Variants in NUMB observed in about 807,000 individuals in gnomAD.
The protein encoded by NUMB is protein numb homolog.
In NUMB, 29 loss-of-function variants were observed where a neutral mutation model predicts 59.7. That is an observed-to-expected ratio of 0.49 (90% CI 0.36 to 0.66). NUMB has a LOEUF of 0.66. Among genes scored for constraint, NUMB ranks in the 30% least tolerant of loss-of-function variants. NUMB has a pLI of 0.00. For missense variants in NUMB, 723 were observed against 822.0 expected, an observed-to-expected ratio of 0.88 and a Z score of 1.47; for synonymous variants, 288 against 288.2, an observed-to-expected ratio of 1.00 and a Z score of 0.01.
intron 8 of NUMB, among the ~76,000 whole-genome samples, chr14:73,288,287 T>C (rs1889146131): frequency 6.6e-6 from 1 of 152,062 alleles, no homozygotes; most frequent in Non-Finnish European, 1.5e-5. Flanking sequence ...GTGCGATGGC[T>C]CACACCTGTA....
At chr14:73,362,797 A>G (rs1454741495) in intron 3 of NUMB, among the ~76,000 whole-genome samples, 1 of 152,158 alleles carries the variant, frequency 6.6e-6, no homozygotes, top group African/African-American at 2.4e-5. Context: ...TCAATGACAT[A>G]GCATATTGGT....
intron 1 of NUMB, among the ~76,000 whole-genome samples, chr14:73,445,541 T>C (rs1883434363): frequency 6.6e-6 from 1 of 152,132 alleles, no homozygotes; most frequent in African/African-American, 2.4e-5. Context: ...CAATTTAATA[T>C]ACAAGACTCT....
chr14:73,442,651 CA>C (rs917540279), intron 1 of NUMB, among the ~76,000 whole-genome samples: 2 of 151,718 alleles, frequency 1.3e-5, no homozygotes, highest in African/African-American at 2.4e-5. Context: ...AGAAGTCAGA[CA>C]AAAAAATATA....
chr14:73,355,734 T>C lies in NUMB; in HGVS notation c.18A>G (p.Gln6=). Residue 6 remains glutamine, a synonymous_variant, in exon 4 of 13, where the codon CAA becomes CAG. Transcript: ENST00000555238. MNKLR[Q]SFRRKKDVYV... is the part of the protein sequence containing the mutation. ...AAACATCCTTCTTTCTCCTAAAACT[T>C]TGCCGTAATTTGTTCATTTTAATTT... The C allele has an allele frequency of 6.2e-7, 1 of 1,612,494 alleles. No homozygotes were observed. Among genetic ancestry groups the C allele is most frequent in the Non-Finnish European group, 8.5e-7 (1 of 1,178,942 alleles).
chr14:73,406,681 C>T (rs191556930), intron 2 of NUMB, among the ~76,000 whole-genome samples: 39 of 152,296 alleles, frequency 2.6e-4, no homozygotes, highest in African/African-American at 7.7e-4. Context: ...CTGTCTTCCA[C>T]GATGGTTGAC....
chr14:73,436,506 G>C (rs1304394585), intron 1 of NUMB, among the ~76,000 whole-genome samples: 1 of 151,968 alleles, frequency 6.6e-6, no homozygotes, highest in African/African-American at 2.4e-5. Context: ...TTTTAGTAAA[G>C]ACACGGTTTC....
At chr14:73,445,675 A>G (rs1319958268) in intron 1 of NUMB, among the ~76,000 whole-genome samples, 1 of 152,228 alleles carries the variant, frequency 6.6e-6, no homozygotes, top group East Asian at 1.9e-4. Flanking sequence ...TGAACTAAAC[A>G]GTATGTTAAA....
intron 1 of NUMB, among the ~76,000 whole-genome samples, chr14:73,413,083 A>T: frequency 6.7e-6 from 1 of 150,238 alleles, no homozygotes; most frequent in Admixed American, 6.7e-5. Context: ...TATTTTTATT[A>T]TTTATTATTA....
At chr14:73,331,989 G>T (rs1211776304) in intron 4 of NUMB, among the ~76,000 whole-genome samples, 2 of 152,160 alleles carry the variant, frequency 1.3e-5, no homozygotes, top group Admixed American at 1.3e-4. Context: ...TTAATATGGG[G>T]ATTCTTATAC....
Position 73,439,735 on chromosome 14 carries a change from G to A in NUMB, c.-233+18758C>T, listed in dbSNP as rs531644608. On this transcript the variant is annotated intron_variant, in intron 1 of 12. Transcript: ENST00000555238. ...AAGAAGAGTCTTCTTAAGATAAAAA[G>A]GGTGCTAGGATAGGTGAATTAAAGA... Among the ~76,000 whole-genome samples, 121 of 152,176 alleles carry A rather than the reference G, an allele frequency of 8.0e-4. 2 individuals carry two copies. In the South Asian group the frequency reaches 0.024, roughly 31 times the overall value.
At chr14:73,299,622 T>A (rs1301257788) in intron 6 of NUMB, among the ~76,000 whole-genome samples, 4 of 151,068 alleles carry the variant, frequency 2.6e-5, no homozygotes, top group Non-Finnish European at 4.4e-5. Context: ...ATATGTCATA[T>A]AATATGACAT....
intron 2 of NUMB, among the ~76,000 whole-genome samples, chr14:73,392,603 C>G (rs1566776667): frequency 6.6e-6 from 1 of 152,186 alleles, no homozygotes; most frequent in Admixed American, 6.5e-5. Context: ...CCTGATTAAA[C>G]TTTATTGGCT....
At chr14:73,379,545 G>A (rs1895129972) in intron 2 of NUMB, among the ~76,000 whole-genome samples, 1 of 152,142 alleles carries the variant, frequency 6.6e-6, no homozygotes, top group African/African-American at 2.4e-5. Context: ...GAAAGTGTTG[G>A]GATTGGGGAA....
rs370753712 is a variant in NUMB, at chr14:73,449,714, TAC to T, written c.-233+8777_-233+8778del. 8.7e-4 allele frequency among the ~76,000 whole-genome samples: 132 copies of T among 152,320 alleles called. 1 individual carries two copies. In the East Asian group the frequency reaches 0.017, roughly 19 times the overall value. ...TAATGTTTTGGTGTTTGTTTTTTGA[TAC>T]AGAGTCACACTCTGTCGCCCAGGCT... On this transcript the variant is annotated intron_variant, in intron 1 of 12. Coordinates refer to ENST00000555238, the MANE Select transcript of NUMB (RefSeq NM_001005743.2).
intron 2 of NUMB, among the ~76,000 whole-genome samples, chr14:73,373,687 C>T (rs935644966): frequency 6.8e-6 from 1 of 147,912 alleles, no homozygotes; most frequent in South Asian, 2.1e-4. Flanking sequence ...TTAGGCCTCA[C>T]TGAGAAAGGA....
At chr14:73,348,711 G>A (rs1402605303) in intron 4 of NUMB, among the ~76,000 whole-genome samples, 2 of 152,176 alleles carry the variant, frequency 1.3e-5, no homozygotes, top group African/African-American at 4.8e-5. Context: ...CCAGTCTCTG[G>A]TGCCAAAAAG....
intron 8 of NUMB, among the ~76,000 whole-genome samples, chr14:73,290,694 ATC>A (rs1420272001): frequency 6.6e-6 from 1 of 152,192 alleles, no homozygotes; most frequent in Non-Finnish European, 1.5e-5. Flanking sequence ...CAGTTTGAGT[ATC>A]TCTTTTCTGA....
At chr14:73,380,395 T>A (rs78166527) in intron 2 of NUMB, among the ~76,000 whole-genome samples, 191 of 152,242 alleles carry the variant, frequency 1.3e-3, no homozygotes, top group Non-Finnish European at 2.0e-3. Context: ...AGGGAACAAA[T>A]CAAAAGTTTG....
chr14:73,428,903 G>A (rs983824913), intron 1 of NUMB, among the ~76,000 whole-genome samples: 1 of 152,082 alleles, frequency 6.6e-6, no homozygotes, highest in Non-Finnish European at 1.5e-5. Context: ...ACTTTAATTG[G>A]AGAGGTGTAA....
Sources: gnomAD v4.1 joint callset for allele counts (sites outside exome capture counted in the v4.1 genomes callset) on GRCh38, gnomAD v4.1.1 for gene constraint, MANE v1.5 for transcripts, NCBI Gene and HGNC (gene_info 2026-07-23, HGNC 2026-07-21) for gene names.